MAGI1: variants seen among roughly 807,000 people sequenced by gnomAD.
MAGI1 encodes the protein membrane associated guanylate kinase, WW and PDZ domain containing 1.
In MAGI1, 58 loss-of-function variants were observed where a neutral mutation model predicts 139.9. The observed-to-expected ratio is 0.41, with a 90% confidence interval of 0.34 to 0.52. MAGI1 has a LOEUF of 0.52. Ranked by LOEUF, MAGI1 falls within the 20% of genes least tolerant of loss-of-function variation. The pLI is 0.12. For synonymous variants in MAGI1, 812 were observed against 737.9 expected, an observed-to-expected ratio of 1.10 and a Z score of -1.63; for missense variants, 1,874 against 1,901.6, an observed-to-expected ratio of 0.99 and a Z score of 0.27.
At position 66,037,848 on chromosome 3, in the gene MAGI1, T is replaced by G; in HGVS notation, c.313+148A>C. 2.2e-6 allele frequency: 3 copies of G among 1,377,370 alleles called. No homozygotes were observed. The South Asian group carries it at 4.3e-5, about 20-fold the overall frequency. The allele number at this position is 1,377,370 out of a possible 1,614,324, so 85.3% of individuals were successfully genotyped here. ...ACAACCCTCAACCTCGCAACAACTTTGTGTATTTCACCGCCACCACAGGGC... is the reference window on the plus strand; with the variant it reads ...ACAACCCTCAACCTCGCAACAACTTGGTGTATTTCACCGCCACCACAGGGC... On this transcript the variant is annotated intron_variant, in intron 1 of 22. Transcript: ENST00000402939.
intron 1 of MAGI1, among the ~76,000 whole-genome samples, chr3:65,639,757 C>A (rs2084878157): frequency 6.6e-6 from 1 of 152,016 alleles, no homozygotes; most frequent in Non-Finnish European, 1.5e-5. Context: ...AATCCCAGCA[C>A]TTTGGGAGGC....
chr3:65,848,881 A>G (rs1263565378), intron 1 of MAGI1, among the ~76,000 whole-genome samples: 2 of 151,882 alleles, frequency 1.3e-5, no homozygotes, highest in African/African-American at 4.8e-5. Context: ...TTCCTGGCTT[A>G]CTGATTTGTG....
chr3:65,697,656 C>A (rs2089316087), intron 1 of MAGI1, among the ~76,000 whole-genome samples: 1 of 106,572 alleles, frequency 9.4e-6, no homozygotes, highest in African/African-American at 4.7e-5. Flanking sequence ...CAGAAAAAGC[C>A]TTTGACAAAA....
At chr3:65,927,883 A>C (rs981363015) in intron 1 of MAGI1, among the ~76,000 whole-genome samples, 1 of 152,188 alleles carries the variant, frequency 6.6e-6, no homozygotes, top group African/African-American at 2.4e-5. Flanking sequence ...CGCTCAGGAA[A>C]ATCAACTACT....
chr3:65,496,249 C>T (rs1472195426), intron 2 of MAGI1, among the ~76,000 whole-genome samples: 2 of 150,430 alleles, frequency 1.3e-5, no homozygotes, highest in Non-Finnish European at 2.9e-5. Context: ...CACTATATTG[C>T]CCAGGCTGGT....
intron 3 of MAGI1, among the ~76,000 whole-genome samples, chr3:65,480,279 T>TA (rs1470199074): frequency 6.6e-6 from 1 of 151,820 alleles, no homozygotes; most frequent in African/African-American, 2.4e-5. Flanking sequence ...ATGCCTCTAA[T>TA]ACCAGCACAT....
chr3:65,745,737 T>TC (rs940497630), intron 1 of MAGI1, among the ~76,000 whole-genome samples: 1 of 149,088 alleles, frequency 6.7e-6, no homozygotes, highest in Non-Finnish European at 1.5e-5. Context: ...CTCTTTTGTT[T>TC]TTCCCCCCTT....
At chr3:65,743,522 A>T (rs2035444469) in intron 1 of MAGI1, among the ~76,000 whole-genome samples, 1 of 151,668 alleles carries the variant, frequency 6.6e-6, no homozygotes, top group African/African-American at 2.4e-5. Context: ...AGCCTGGCCA[A>T]CATGGTGAAA....
At chr3:65,358,085 G>A (rs1318413063) in intron 22 of MAGI1, among the ~76,000 whole-genome samples, 1 of 152,116 alleles carries the variant, frequency 6.6e-6, no homozygotes, top group Non-Finnish European at 1.5e-5. Flanking sequence ...AGAGCTTGGA[G>A]TCACTGGGCT....
At chr3:65,963,924 A>C (rs2064603882) in intron 1 of MAGI1, among the ~76,000 whole-genome samples, 1 of 152,242 alleles carries the variant, frequency 6.6e-6, no homozygotes, top group Non-Finnish European at 1.5e-5. Context: ...ACAGCTCATA[A>C]TGATTAAGAA....
chr3:65,756,323 T>G (rs1250734501), intron 1 of MAGI1, among the ~76,000 whole-genome samples: 2 of 152,210 alleles, frequency 1.3e-5, no homozygotes, highest in African/African-American at 4.8e-5. Flanking sequence ...CATGTCGGTG[T>G]GGATGAGAAC....
intron 1 of MAGI1, among the ~76,000 whole-genome samples, chr3:65,761,713 G>T (rs184423538): frequency 6.6e-6 from 1 of 152,042 alleles, no homozygotes; most frequent in Non-Finnish European, 1.5e-5. Flanking sequence ...GCACAATTTC[G>T]TGTTAATCAC....
chr3:65,498,231 C>T (rs2222584), intron 2 of MAGI1, among the ~76,000 whole-genome samples: 45,912 of 150,486 alleles, frequency 0.31, 8,640 homozygotes, highest in East Asian at 0.73. Flanking sequence ...TGACAGAAGA[C>T]GAGTCAAACA....
intron 2 of MAGI1, among the ~76,000 whole-genome samples, chr3:65,564,678 A>G (rs1363557884): frequency 1.3e-5 from 2 of 152,236 alleles, no homozygotes; most frequent in Non-Finnish European, 2.9e-5. Flanking sequence ...CATGTTCAAT[A>G]GCAACGGAAA....
chr3:65,757,424 C>T (rs1291875226), intron 1 of MAGI1, among the ~76,000 whole-genome samples: 1 of 152,176 alleles, frequency 6.6e-6, no homozygotes, highest in African/African-American at 2.4e-5. Context: ...GCAAGTGGAT[C>T]ACCTGATGTT....
At chr3:65,520,477 G>A (rs1348582372) in intron 2 of MAGI1, among the ~76,000 whole-genome samples, 4 of 151,996 alleles carry the variant, frequency 2.6e-5, no homozygotes, top group Non-Finnish European at 5.9e-5. Flanking sequence ...ATCTGCAAAT[G>A]GGAAGAGTAA....
At chr3:65,417,618 T>C (rs1946323387) in intron 12 of MAGI1, among the ~76,000 whole-genome samples, 1 of 151,992 alleles carries the variant, frequency 6.6e-6, no homozygotes, top group Non-Finnish European at 1.5e-5. Flanking sequence ...AGGAAATGGA[T>C]CCACAACAGG....
chr3:65,773,239 T>C (rs533904258), intron 1 of MAGI1, among the ~76,000 whole-genome samples: 1 of 152,036 alleles, frequency 6.6e-6, no homozygotes, highest in Non-Finnish European at 1.5e-5. Flanking sequence ...ATTAACAACC[T>C]TAAGAGTAGG....
rs1197795232 is a variant in MAGI1 at position 65,353,925 on chromosome 3, A to G, written c.*2453T>C. On this transcript the variant is annotated 3_prime_UTR_variant, in exon 23 of 23. Coordinates refer to ENST00000402939, the MANE Select transcript of MAGI1 (RefSeq NM_001033057.2). Reference sequence around the variant, plus strand: ...TTCAGGTGAAACTGCCACACCAAAAAGTCCACGGATTGAGACAAGCCCAGG... The same window carrying G: ...TTCAGGTGAAACTGCCACACCAAAAGGTCCACGGATTGAGACAAGCCCAGG... 1 of 152,250 alleles carries G rather than the reference A, an allele frequency of 6.6e-6. No homozygotes were observed. Among genetic ancestry groups the G allele is most frequent in the Non-Finnish European group, 1.5e-5 (1 of 68,050 alleles). The allele number at this position is 152,250 out of a possible 1,614,324, so 9.4% of individuals were successfully genotyped here.
Sources: allele counts gnomAD v4.1 joint callset (sites outside exome capture counted in the v4.1 genomes callset), GRCh38; gene constraint gnomAD v4.1.1; transcripts MANE v1.5; gene names NCBI Gene and HGNC (gene_info 2026-07-23, HGNC 2026-07-21).